SLC2A13: variants seen among roughly 807,000 people sequenced by gnomAD.
SLC2A13 encodes the protein solute carrier family 2 member 13.
A neutral mutation model predicts 64.4 loss-of-function variants in SLC2A13; 32 were observed. The ratio of observed to expected loss-of-function variants is 0.50; its 90% CI spans 0.37 to 0.67. The LOEUF (loss-of-function observed/expected upper bound fraction) is 0.67. Among genes scored for constraint, SLC2A13 ranks in the 30% least tolerant of loss-of-function variants. SLC2A13 has a pLI of 0.00. For synonymous variants in SLC2A13, 338 were observed against 327.1 expected, an observed-to-expected ratio of 1.03 and a Z score of -0.36; for missense variants, 743 against 829.2, an observed-to-expected ratio of 0.90 and a Z score of 1.28.
chr12:39,814,684 C>A (rs1012736753), intron 7 of SLC2A13, among the ~76,000 whole-genome samples: 2 of 152,156 alleles, frequency 1.3e-5, no homozygotes, highest in Non-Finnish European at 2.9e-5. Flanking sequence ...CATACAATTA[C>A]GTCTGCTATC....
intron 4 of SLC2A13, among the ~76,000 whole-genome samples, chr12:39,914,871 T>A (rs939678070): frequency 6.6e-6 from 1 of 151,878 alleles, no homozygotes; most frequent in Non-Finnish European, 1.5e-5. Context: ...CAAAAGTATC[T>A]TTACGACTTC....
At chr12:39,897,978 T>C (rs998243146) in intron 4 of SLC2A13, among the ~76,000 whole-genome samples, 5 of 152,142 alleles carry the variant, frequency 3.3e-5, no homozygotes, top group African/African-American at 1.2e-4. Context: ...GCTTGGCACA[T>C]AATAAACACT....
At chr12:39,895,530 A>G (rs201175826) in intron 4 of SLC2A13, among the ~76,000 whole-genome samples, 8,238 of 97,622 alleles carry the variant, frequency 0.084, 1,351 homozygotes, top group East Asian at 0.23. Context: ...ATATATATAT[A>G]TATATATATA....
At position 39,910,076 on chromosome 12, in the gene SLC2A13, TAGA is replaced by T. The variant is rs540837584; in HGVS notation, c.1035-38118_1035-38116del. On this transcript the variant is annotated intron_variant, in intron 4 of 9. Transcript: ENST00000280871. Reference sequence around the variant, plus strand: ...GTTATTTGACTCTCTCAACAGCCCTTAGAAGAAGAACTAGAACCCTGTCCCCTG... The same window carrying T: ...GTTATTTGACTCTCTCAACAGCCCTTAGAAGAACTAGAACCCTGTCCCCTG... Among the ~76,000 whole-genome samples, 19 of 152,162 alleles carry T rather than the reference TAGA, an allele frequency of 1.2e-4. No individual in the cohort carries two copies. The South Asian group carries it at 1.9e-3, about 15-fold the overall frequency.
At chr12:39,929,866 C>T (rs1435716901) in intron 4 of SLC2A13, among the ~76,000 whole-genome samples, 2 of 152,070 alleles carry the variant, frequency 1.3e-5, no homozygotes, top group Admixed American at 6.5e-5. Context: ...TGTGGTGGCT[C>T]ACGCCTGTAA....
intron 3 of SLC2A13, among the ~76,000 whole-genome samples, chr12:40,019,408 T>C (rs1389558148): frequency 2.0e-5 from 3 of 152,180 alleles, no homozygotes; most frequent in Non-Finnish European, 4.4e-5. Flanking sequence ...GGCACAGATG[T>C]GGCATGAGAT....
intron 7 of SLC2A13, among the ~76,000 whole-genome samples, chr12:39,782,616 G>C (rs1181317163): frequency 2.0e-5 from 3 of 152,128 alleles, no homozygotes; most frequent in African/African-American, 7.2e-5. Flanking sequence ...AAGTAGAGTG[G>C]GGCATTGCTG....
At chr12:39,826,242 GTC>G (rs1019680353) in intron 7 of SLC2A13, among the ~76,000 whole-genome samples, 3 of 151,724 alleles carry the variant, frequency 2.0e-5, no homozygotes, top group Non-Finnish European at 4.4e-5. Flanking sequence ...TTTCTAAATA[GTC>G]TCTGCTTGTT....
rs562676100 is a variant in SLC2A13, at chr12:40,050,020, G to GC, written c.557-1811dup. Among the ~76,000 whole-genome samples the GC allele has an allele frequency of 4.6e-3, 694 of 152,226 alleles. 18 individuals are homozygous for GC. The highest frequency in any genetic ancestry group is 1.5e-3 in the Non-Finnish European group (99 of 68,010). ...TCTTCACAATTAAATCATCACCTAA[G>GC]CAGCTGAAGTTTCCATTTGACTGCT... On this transcript the variant is annotated intron_variant, in intron 1 of 9. Coordinates refer to ENST00000280871, the MANE Select transcript of SLC2A13 (RefSeq NM_052885.4).
chr12:39,764,895 T>C, intron 7 of SLC2A13, 37 bp from the exon 8 acceptor site: 1 of 1,596,694 alleles, frequency 6.3e-7, no homozygotes, highest in Non-Finnish European at 8.5e-7. Context: ...AACTTAATGT[T>C]TTTGACTACA....
At chr12:39,979,099 T>G (rs955135006) in intron 3 of SLC2A13, among the ~76,000 whole-genome samples, 1 of 151,630 alleles carries the variant, frequency 6.6e-6, no homozygotes, top group Non-Finnish European at 1.5e-5. Flanking sequence ...CCAACAGACC[T>G]GCAGCTGAGG....
intron 4 of SLC2A13, among the ~76,000 whole-genome samples, chr12:39,922,243 A>C (rs936060444): frequency 1.3e-5 from 2 of 152,174 alleles, no homozygotes; most frequent in Non-Finnish European, 2.9e-5. Flanking sequence ...AGAATTTTTC[A>C]TTGTCCAATA....
Position 40,028,521 on chromosome 12 carries a change from A to G in SLC2A13, c.717-12T>C, listed in dbSNP as rs988623110. 1 of 1,611,500 alleles carries G rather than the reference A, an allele frequency of 6.2e-7. No homozygotes were observed. Among genetic ancestry groups the G allele is most frequent in the Non-Finnish European group, 8.5e-7 (1 of 1,179,166 alleles). On this transcript the variant is annotated splice_polypyrimidine_tract_variant and intron_variant, in intron 2 of 9. Coordinates refer to ENST00000280871, the MANE Select transcript of SLC2A13 (RefSeq NM_052885.4). ...GTCCCAACATGTACCTGCAAAGAAA[A>G]AAAATCCACATTTACTGTAAAATTT...
intron 1 of SLC2A13, among the ~76,000 whole-genome samples, chr12:40,084,915 C>T (rs140060783): frequency 1.3e-5 from 2 of 152,250 alleles, no homozygotes; most frequent in African/African-American, 4.8e-5. Context: ...CTGGAAAAAC[C>T]AAGGCAGGAT....
At chr12:39,923,696 G>GCACACACACACACA (rs368849811) in intron 4 of SLC2A13, among the ~76,000 whole-genome samples, 1 of 146,992 alleles carries the variant, frequency 6.8e-6, no homozygotes, top group South Asian at 2.2e-4. Context: ...ATGCGCACGC[G>GCACACACACACACA]CACACACACA....
chr12:39,812,404 T>TCCTTCCTTCCTTCCTTCCTG (rs1942202111), intron 7 of SLC2A13, among the ~76,000 whole-genome samples: 1 of 146,484 alleles, frequency 6.8e-6, no homozygotes. Flanking sequence ...CTCTCTTTCT[T>TCCTTCCTTCCTTCCTTCCTG]CCTTCCTTCC....
At chr12:39,856,367 ATTTAT>A (rs1215253862) in intron 6 of SLC2A13, among the ~76,000 whole-genome samples, 2 of 151,972 alleles carry the variant, frequency 1.3e-5, no homozygotes, top group African/African-American at 2.4e-5. Flanking sequence ...GCTTTATTTT[ATTTAT>A]TTTATTTTAT....
intron 7 of SLC2A13, among the ~76,000 whole-genome samples, chr12:39,785,483 G>A (rs1484541336): frequency 6.6e-6 from 1 of 152,216 alleles, no homozygotes; most frequent in East Asian, 1.9e-4. Context: ...CTGCAGGGGC[G>A]AGGCCCTCAT....
At chr12:39,833,169 T>C (rs1347262378) in intron 6 of SLC2A13, among the ~76,000 whole-genome samples, 2 of 152,144 alleles carry the variant, frequency 1.3e-5, no homozygotes, top group African/African-American at 4.8e-5. Flanking sequence ...CACAGCCATG[T>C]CCATTTCTTT....
Sources: gnomAD v4.1 joint callset for allele counts (sites outside exome capture counted in the v4.1 genomes callset) on GRCh38, gnomAD v4.1.1 for gene constraint, MANE v1.5 for transcripts, NCBI Gene and HGNC (gene_info 2026-07-23, HGNC 2026-07-21) for gene names.